The following IQCH variants were observed in gnomAD, a reference collection of about 807,000 sequenced individuals.
IQCH encodes the protein IQ domain-containing protein H.
IQCH carries 98 observed loss-of-function variants against 117.0 expected under a neutral mutation model. The observed-to-expected ratio is 0.84, with a 90% CI of 0.71 to 0.99. The LOEUF (loss-of-function observed/expected upper bound fraction) is 0.99, where lower values mean the gene tolerates loss of function less well. IQCH is among the 50% of genes least tolerant of loss of function. The probability of loss-of-function intolerance (pLI) is 0.00; values close to 1 mark genes in which losing one functional copy is unlikely to be tolerated. For missense variants in IQCH, 1,102 were observed against 1,243.8 expected (o/e 0.89, Z 1.72); for synonymous variants, 412 against 448.2 (o/e 0.92, Z 1.02).
intron 5 of IQCH, among the ~76,000 whole-genome samples, chr15:67,338,781 T>C (rs1969014792): frequency 6.6e-6 from 1 of 152,156 alleles, no homozygotes; most frequent in Admixed American, 6.5e-5. Flanking sequence ...CAAATTGCTC[T>C]CTGATCTTAG....
chr15:67,376,914 C>T lies in IQCH; in HGVS notation c.1372+3481C>T, dbSNP rs556856693. Among the ~76,000 whole-genome samples the T allele has an allele frequency of 6.6e-6, 1 of 151,856 alleles. No individual in the cohort carries two copies. Among genetic ancestry groups the T allele is most frequent in the African/African-American group, 2.4e-5 (1 of 41,328 alleles). ...TGGGCAGATCACGAGGTCAAGAGAT[C>T]GAGACCATCCTGGCCAACATGGTGA... On this transcript the variant is annotated intron_variant, in intron 10 of 20. Coordinates refer to ENST00000335894, the MANE Select transcript of IQCH (RefSeq NM_001031715.3). The surrounding 1 kb of genome is among the most constrained non-coding windows in gnomAD (Gnocchi z 5.0).
rs148415395 is a variant in IQCH at position 67,277,889 on chromosome 15, A to G, written c.270-1506A>G. Among the ~76,000 whole-genome samples the G allele has an allele frequency of 2.5e-3, 388 of 152,232 alleles. 5 individuals carry two copies. Among genetic ancestry groups the G allele is most frequent in the East Asian group, 0.012 (62 of 5,188 alleles). ...TCTTGTTTTGTCTTTGGGTTTCCTT[A>G]GAAACCCCTTCTTAAAAAGAGTCTG... is the stretch of plus-strand genomic sequence containing the variant. On this transcript the variant is annotated intron_variant, in intron 3 of 20. Transcript: ENST00000335894.
At position 67,481,911 on chromosome 15, in the gene IQCH, G is replaced by C. The variant is rs1440159887; in HGVS notation, c.2799+6093G>C. 6.6e-6 allele frequency among the ~76,000 whole-genome samples: 1 copy of C among 152,178 alleles called. No homozygotes were observed. Among genetic ancestry groups the C allele is most frequent in the Non-Finnish European group, 1.5e-5 (1 of 68,036 alleles). ...ACCCTTGGGCCCTCAACTATCTACA[G>C]GCAGGAAGTGGGTGAGAAAGTTTTA... On this transcript the variant is annotated intron_variant, in intron 18 of 20. Transcript: ENST00000335894. The surrounding 1 kb of genome is among the most constrained non-coding windows in gnomAD (Gnocchi z 4.1).
intron 4 of IQCH, among the ~76,000 whole-genome samples, chr15:67,329,213 TGCTTGAGCCCAGGAGGTCGAG>T (rs1167283897): frequency 6.6e-6 from 1 of 151,736 alleles, no homozygotes; most frequent in South Asian, 2.1e-4. Context: ...GTAGGAGGAT[TGCTTGAGCCCAGGAGGTCGAG>T]GCTGTAGTGA....
intron 4 of IQCH, among the ~76,000 whole-genome samples, chr15:67,295,288 A>G (rs929180287): frequency 1.3e-5 from 2 of 152,186 alleles, no homozygotes; most frequent in Non-Finnish European, 1.5e-5. Flanking sequence ...CTTTTTAGCT[A>G]GAAATATGGC....
chr15:67,301,871 A>G (rs1038853860), intron 4 of IQCH, among the ~76,000 whole-genome samples: 5 of 152,154 alleles, frequency 3.3e-5, no homozygotes, highest in Non-Finnish European at 5.9e-5. Context: ...TTTAACCTCA[A>G]ATGATTGCTT....
intron 4 of IQCH, among the ~76,000 whole-genome samples, chr15:67,298,304 G>A (rs1192119972): frequency 3.5e-5 from 3 of 85,114 alleles, no homozygotes; most frequent in Non-Finnish European, 6.0e-5. Context: ...AGCAAGACTC[G>A]GTCTAAAAAA....
At chr15:67,345,314 C>T in intron 6 of IQCH, among the ~76,000 whole-genome samples, 1 of 152,094 alleles carries the variant, frequency 6.6e-6, no homozygotes, top group Non-Finnish European at 1.5e-5. Flanking sequence ...ACAGTTACCT[C>T]CTCCTCCAGG....
In IQCH at chr15:67,279,440, G is replaced by A; in HGVS notation, c.315G>A (p.Gln105=). ...VIDQKSFIFP[Q]ESEGTFWQPQ... is the part of the protein sequence containing the mutation. ...ATCAGAAATCATTTATTTTCCCTCA[G>A]GAATCTGAGGGTACATTTTGGCAAC... Residue 105 remains glutamine, a synonymous_variant, in exon 4 of 21, where the codon CAG becomes CAA. Coordinates refer to ENST00000335894, the MANE Select transcript of IQCH (RefSeq NM_001031715.3). 2 of 1,609,880 alleles carry A rather than the reference G, an allele frequency of 1.2e-6. No individual in the cohort carries two copies. Among genetic ancestry groups the A allele is most frequent in the Non-Finnish European group, 1.7e-6 (2 of 1,177,388 alleles).
Position 67,490,025 on chromosome 15 carries a change from T to C in IQCH, c.2822T>C (p.Ile941Thr). 6.2e-7 allele frequency: 1 copy of C among 1,611,748 alleles called. No individual in the cohort carries two copies. Among genetic ancestry groups the C allele is most frequent in the Non-Finnish European group, 8.5e-7 (1 of 1,177,930 alleles). The change falls in exon 19 of 21, where the codon ATA (isoleucine) becomes ACA (threonine). Residue 941 changes from isoleucine to threonine, a missense_variant. By Grantham distance (89) the Ile-to-Thr change is moderately conservative. This residue lies in a region of IQCH where 650 missense variants were observed against 794.3 expected (regional missense o/e 0.82). Transcript: ENST00000335894. The surrounding 1 kb of genome is among the most constrained non-coding windows in gnomAD (Gnocchi z 4.9). ...DVEERQGTVF[I>T]LYEHLKRHKL... ...CAGGAAAGGCAAGGAACTGTTTTTA[T>C]ATTATATGAGCACCTGAAGAGACAC...
At chr15:67,272,929 G>A (rs4776912) in intron 3 of IQCH, among the ~76,000 whole-genome samples, 151,421 of 152,340 alleles carry the variant, frequency 0.99, 75,265 homozygotes, top group Middle Eastern at 1. Flanking sequence ...TATTATTGCT[G>A]AGTAAAGACT....
At chr15:67,464,130 G>C (rs1459343702) in intron 16 of IQCH, among the ~76,000 whole-genome samples, 1 of 152,166 alleles carries the variant, frequency 6.6e-6, no homozygotes, top group Non-Finnish European at 1.5e-5. Context: ...TGCCCAGCCT[G>C]TCTTCACCTT....
chr15:67,414,809 T>C (rs900712766), intron 14 of IQCH, among the ~76,000 whole-genome samples: 2 of 152,092 alleles, frequency 1.3e-5, no homozygotes, highest in African/African-American at 4.8e-5. Flanking sequence ...TTGGTATGAA[T>C]GACCACATGT....
chr15:67,470,517 G>T (rs1288581469), intron 17 of IQCH, among the ~76,000 whole-genome samples: 1 of 152,040 alleles, frequency 6.6e-6, no homozygotes, highest in Non-Finnish European at 1.5e-5. Context: ...ACTGGACATG[G>T]TTTCCTATAC....
chr15:67,284,816 C>T (rs1175966362), intron 4 of IQCH, among the ~76,000 whole-genome samples: 4 of 152,138 alleles, frequency 2.6e-5, no homozygotes, highest in African/African-American at 4.8e-5. Flanking sequence ...CATAGTATTC[C>T]ATGGTGTATA....
intron 8 of IQCH, among the ~76,000 whole-genome samples, chr15:67,361,843 C>T (rs1027115459): frequency 6.6e-6 from 1 of 152,120 alleles, no homozygotes; most frequent in African/African-American, 2.4e-5. Context: ...TCCTTATTTT[C>T]AAGAATCTAG....
At chr15:67,448,309 G>C (rs925717818) in intron 16 of IQCH, among the ~76,000 whole-genome samples, 1 of 151,706 alleles carries the variant, frequency 6.6e-6, no homozygotes, top group African/African-American at 2.4e-5. Flanking sequence ...GTGCCATGTT[G>C]GTGTGCTGCA....
chr15:67,359,419 A>T lies in IQCH; in HGVS notation c.715-428A>T, dbSNP rs1970040286. Among the ~76,000 whole-genome samples, 1 of 152,126 alleles carries T rather than the reference A, an allele frequency of 6.6e-6. No individual in the cohort carries two copies. The highest frequency in any genetic ancestry group is 1.5e-5 in the Non-Finnish European group (1 of 68,028). The stretch of plus-strand genomic sequence containing the variant: ...AAATTGACTCTTCAATGGTAAATGT[A>T]ATTTTTCACATATTTTGTGGGAAGT... On this transcript the variant is annotated intron_variant, in intron 7 of 20. Coordinates refer to ENST00000335894, the MANE Select transcript of IQCH (RefSeq NM_001031715.3). The surrounding 1 kb of genome is among the most constrained non-coding windows in gnomAD (Gnocchi z 4.5).
intron 17 of IQCH, among the ~76,000 whole-genome samples, chr15:67,468,807 A>T (rs147992681): frequency 6.6e-6 from 1 of 152,214 alleles, no homozygotes; most frequent in African/African-American, 2.4e-5. Context: ...TAATGATTTG[A>T]GCAATGGGTG....
Sources: gnomAD v4.1 joint callset for allele counts (sites outside exome capture counted in the v4.1 genomes callset) on GRCh38, gnomAD v4.1.1 for gene constraint, gnomAD v4.1.1 regional missense constraint, Gnocchi (gnomAD v3.1) non-coding constraint, MANE v1.5 for transcripts, NCBI Gene and HGNC (gene_info 2026-07-23, HGNC 2026-07-21) for gene names.